Variants in FAM193A observed in about 807,000 individuals in gnomAD.
The protein encoded by FAM193A is protein FAM193A.
FAM193A carries 22 observed loss-of-function variants against 126.5 expected under a neutral mutation model. The ratio of observed to expected loss-of-function variants is 0.17; its 90% CI spans 0.12 to 0.25. FAM193A has a LOEUF of 0.25. FAM193A is among the 10% of genes least tolerant of loss of function. FAM193A has a pLI of 1.00. For synonymous variants in FAM193A, 761 were observed against 646.8 expected (o/e 1.18, Z -2.68); for missense variants, 1,675 against 1,672.8 (o/e 1.00, Z -0.02).
At position 2,662,969 on chromosome 4, in the gene FAM193A, A is replaced by G. The variant is rs1179870432; in HGVS notation, c.1877A>G (p.Glu626Gly). The G allele has an allele frequency of 5.0e-6, 8 of 1,612,922 alleles. No individual in the cohort carries two copies. The highest frequency in any genetic ancestry group is 1.3e-5 in the African/African-American group (1 of 74,924). Residue 626 changes from glutamate to glycine, a missense_variant, in exon 11 of 21, where the codon GAA becomes GGA. Coordinates refer to ENST00000637812, the MANE Select transcript of FAM193A (RefSeq NM_001366318.2). The part of the protein sequence containing the change: ...GIHSELNGGG[E>G]NMALKDESPQ... Reference sequence around the variant, plus strand: ...CACAGCGAATTGAATGGTGGCGGGGAAAACATGGCCCTGAAGGATGAGGTA... The same window carrying G: ...CACAGCGAATTGAATGGTGGCGGGGGAAACATGGCCCTGAAGGATGAGGTA...
At chr4:2,599,285 A>G (rs1287661083) in intron 2 of FAM193A, among the ~76,000 whole-genome samples, 1 of 151,716 alleles carries the variant, frequency 6.6e-6, no homozygotes, top group Non-Finnish European at 1.5e-5. Flanking sequence ...GTGAAACAGT[A>G]AGTGTGTCCC....
intron 1 of FAM193A, among the ~76,000 whole-genome samples, chr4:2,538,488 C>T (rs1014048162): frequency 4.6e-5 from 7 of 152,050 alleles, no homozygotes; most frequent in South Asian, 2.1e-4. Flanking sequence ...CCACCGCGCC[C>T]GGCCGTTTTT....
In FAM193A at chr4:2,675,986, A is replaced by G. The variant is rs545536692; in HGVS notation, c.2331+3614A>G. On this transcript the variant is annotated intron_variant, in intron 13 of 20. Transcript: ENST00000637812. ...CAGAATCTCCTTCCTTTTTAAGGCTAAATAATACTCATCATATGGCTGTAC... is the reference window on the plus strand; with the variant it reads ...CAGAATCTCCTTCCTTTTTAAGGCTGAATAATACTCATCATATGGCTGTAC... Among the ~76,000 whole-genome samples, 156 of 152,358 alleles carry G rather than the reference A, an allele frequency of 1.0e-3. 4 individuals are homozygous for G. The South Asian group carries it at 0.032, about 31-fold the overall frequency.
At chr4:2,664,576 T>TC in intron 12 of FAM193A, among the ~76,000 whole-genome samples, 1 of 138,170 alleles carries the variant, frequency 7.2e-6, no homozygotes, top group Non-Finnish European at 1.6e-5. Flanking sequence ...TTTTTTTTTT[T>TC]TTTTTTTTGA....
intron 1 of FAM193A, among the ~76,000 whole-genome samples, chr4:2,540,116 C>G (rs2108800119): frequency 8.2e-6 from 1 of 121,566 alleles, no homozygotes; most frequent in African/African-American, 2.7e-5. Context: ...GAAACTCTGT[C>G]TCAAAAAAAA....
At chr4:2,606,254 C>T (rs1296717504) in intron 2 of FAM193A, among the ~76,000 whole-genome samples, 2 of 151,698 alleles carry the variant, frequency 1.3e-5, no homozygotes, top group African/African-American at 4.8e-5. Context: ...GTTTCACCAT[C>T]TTGGTCAGGC....
At chr4:2,645,657 G>A (rs1004761436) in intron 6 of FAM193A, among the ~76,000 whole-genome samples, 2 of 152,064 alleles carry the variant, frequency 1.3e-5, no homozygotes, top group Non-Finnish European at 2.9e-5. Flanking sequence ...CTCCTGAGTA[G>A]CTGGGATTAC....
intron 1 of FAM193A, among the ~76,000 whole-genome samples, chr4:2,562,423 A>G (rs541442799): frequency 2.0e-5 from 3 of 152,270 alleles, no homozygotes; most frequent in South Asian, 4.1e-4. Context: ...GCACTACAGC[A>G]TGGTGGCAAA....
chr4:2,717,028 A>G (rs992422257), intron 20 of FAM193A, among the ~76,000 whole-genome samples: 3 of 150,768 alleles, frequency 2.0e-5, no homozygotes, highest in Admixed American at 2.0e-4. Flanking sequence ...CACCCAGGCT[A>G]GAGTGCAATG....
chr4:2,729,143 G>A (rs1236254148), intron 20 of FAM193A, among the ~76,000 whole-genome samples: 1 of 152,054 alleles, frequency 6.6e-6, no homozygotes, highest in Non-Finnish European at 1.5e-5. Flanking sequence ...AACTGAAGCT[G>A]GTGATCAGCA....
chr4:2,543,471 A>G (rs1737356734), intron 1 of FAM193A, among the ~76,000 whole-genome samples: 1 of 151,894 alleles, frequency 6.6e-6, no homozygotes, highest in Non-Finnish European at 1.5e-5. Context: ...CCAGGGTGGG[A>G]GGATCACTTG....
chr4:2,612,427 A>AGGTGGAGGTTGCAGTG (rs1284110849), intron 2 of FAM193A, among the ~76,000 whole-genome samples: 6 of 152,158 alleles, frequency 3.9e-5, no homozygotes, highest in African/African-American at 1.4e-4. Context: ...TGAACCCAGG[A>AGGTGGAGGTTGCAGTG]GGTGGAGGTT....
intron 12 of FAM193A, among the ~76,000 whole-genome samples, chr4:2,671,472 G>A (rs1485684999): frequency 6.6e-6 from 1 of 152,162 alleles, no homozygotes; most frequent in Admixed American, 6.5e-5. Flanking sequence ...GCCCACTGCC[G>A]ACCGAGTCAG....
chr4:2,622,178 G>A (rs998838289), intron 2 of FAM193A, among the ~76,000 whole-genome samples: 22 of 147,692 alleles, frequency 1.5e-4, no homozygotes, highest in African/African-American at 5.5e-4. Flanking sequence ...GATTGCTTGA[G>A]CCTGGGAGGC....
At chr4:2,648,524 C>G (rs890827977) in intron 7 of FAM193A, among the ~76,000 whole-genome samples, 1 of 152,224 alleles carries the variant, frequency 6.6e-6, no homozygotes, top group Non-Finnish European at 1.5e-5. Context: ...TGTGGCTTGT[C>G]ACTGACCAGC....
intron 2 of FAM193A, among the ~76,000 whole-genome samples, chr4:2,604,571 C>T (rs1443345506): frequency 6.6e-6 from 1 of 152,128 alleles, no homozygotes; most frequent in Non-Finnish European, 1.5e-5. Flanking sequence ...CCTGTTACTG[C>T]ACGGACCCCA....
In FAM193A at chr4:2,646,674, C is replaced by T; in HGVS notation, c.1164-11C>T. ...GTTCTTTCCTTTGTTACAAGGCCTT[C>T]TCTCTCCTAGGCTAGGAACCACCAC... On this transcript the variant is annotated splice_polypyrimidine_tract_variant and intron_variant, in intron 6 of 20. Coordinates refer to ENST00000637812, the MANE Select transcript of FAM193A (RefSeq NM_001366318.2). 2 of 1,589,404 alleles carry T rather than the reference C, an allele frequency of 1.3e-6. No homozygotes were observed. The highest frequency in any genetic ancestry group is 1.4e-5 in the African/African-American group (1 of 73,580).
chr4:2,561,598 G>T (rs2108840262), intron 1 of FAM193A, among the ~76,000 whole-genome samples: 1 of 151,908 alleles, frequency 6.6e-6, no homozygotes. Flanking sequence ...CCAGGTTCAG[G>T]TGATTCTCCT....
At position 2,676,741 on chromosome 4, in the gene FAM193A, G is replaced by A. The variant is rs367786197; in HGVS notation, c.2331+4369G>A. 1.4e-4 allele frequency among the ~76,000 whole-genome samples: 22 copies of A among 152,226 alleles called. No homozygotes were observed. The East Asian group carries it at 2.1e-3, about 15-fold the overall frequency. Reference sequence around the variant, plus strand: ...GCGGATCACGAGGTCAGGAGGTCGAGACCATCCTGGCTAACACAGTGAAAC... The same window carrying A: ...GCGGATCACGAGGTCAGGAGGTCGAAACCATCCTGGCTAACACAGTGAAAC... On this transcript the variant is annotated intron_variant, in intron 13 of 20. Coordinates refer to ENST00000637812, the MANE Select transcript of FAM193A (RefSeq NM_001366318.2).
Sources: allele counts gnomAD v4.1 joint callset (sites outside exome capture counted in the v4.1 genomes callset), GRCh38; gene constraint gnomAD v4.1.1; transcripts MANE v1.5; gene names NCBI Gene and HGNC (gene_info 2026-07-23, HGNC 2026-07-21).